RBFOX1: variants seen among roughly 807,000 people sequenced by gnomAD.
RBFOX1 encodes RNA binding protein fox-1 homolog 1.
In RBFOX1, 8 loss-of-function variants were observed where a neutral mutation model predicts 57.7. The ratio of observed to expected loss-of-function variants is 0.14; its 90% confidence interval spans 0.08 to 0.25. RBFOX1 has a LOEUF of 0.25. Among genes scored for constraint, RBFOX1 ranks in the 10% least tolerant of loss-of-function variants. The pLI is 1.00. For missense variants in RBFOX1, 611 were observed against 548.5 expected, an observed-to-expected ratio of 1.11 and a Z score of -1.14; for synonymous variants, 326 against 222.4, an observed-to-expected ratio of 1.47 and a Z score of -4.15.
At chr16:5,270,763 G>C in intron 1 of RBFOX1, 2 of 468,236 alleles carry the variant, frequency 4.3e-6, no homozygotes, top group South Asian at 3.5e-5. Context: ...AAAAGATGTA[G>C]AAAAGGCTTG....
At chr16:6,942,238 C>G (rs2078667052) in intron 3 of RBFOX1, among the ~76,000 whole-genome samples, 1 of 152,156 alleles carries the variant, frequency 6.6e-6, no homozygotes, top group Admixed American at 6.5e-5. Context: ...CAGGATCCCA[C>G]CACTGCACTT....
chr16:7,372,478 G>A (rs1277057029), intron 4 of RBFOX1, among the ~76,000 whole-genome samples: 3 of 152,122 alleles, frequency 2.0e-5, no homozygotes, highest in African/African-American at 2.4e-5. Context: ...GCTCATTGAA[G>A]CCTGTGGCCA....
chr16:5,284,309 C>G (rs578050015), intron 1 of RBFOX1, among the ~76,000 whole-genome samples: 9 of 151,952 alleles, frequency 5.9e-5, no homozygotes, highest in African/African-American at 2.2e-4. Context: ...TTCCTTTTTT[C>G]CCTCATTATT....
intron 1 of RBFOX1, among the ~76,000 whole-genome samples, chr16:6,240,537 C>T (rs557098163): frequency 6.5e-4 from 99 of 152,120 alleles, no homozygotes; most frequent in Non-Finnish European, 1.0e-3. Flanking sequence ...GCACAATTTT[C>T]AAACTCTTCA....
chr16:6,137,470 A>G (rs1391757489), intron 1 of RBFOX1, among the ~76,000 whole-genome samples: 2 of 151,912 alleles, frequency 1.3e-5, no homozygotes, highest in East Asian at 1.9e-4. Flanking sequence ...ACGCCTGGGT[A>G]ATTTTTTGTG....
At chr16:7,197,760 T>TACTG (rs1279443118) in intron 4 of RBFOX1, among the ~76,000 whole-genome samples, 2 of 151,946 alleles carry the variant, frequency 1.3e-5, no homozygotes, top group Non-Finnish European at 2.9e-5. Context: ...ATAAGTGGAG[T>TACTG]ACTGATACAT....
intron 4 of RBFOX1, among the ~76,000 whole-genome samples, chr16:5,876,243 C>T (rs929933600): frequency 6.6e-6 from 1 of 152,178 alleles, no homozygotes; most frequent in African/African-American, 2.4e-5. Flanking sequence ...TCTGTGCCAG[C>T]CAGGCCACTC....
intron 4 of RBFOX1, among the ~76,000 whole-genome samples, chr16:5,914,138 A>G (rs2058659520): frequency 6.6e-6 from 1 of 152,204 alleles, no homozygotes; most frequent in Non-Finnish European, 1.5e-5. Context: ...CCAGGAGGAA[A>G]GGACGTTTTG....
At chr16:7,332,660 GTCTCTCTCTCTGTCTC>G (rs1245655928) in intron 4 of RBFOX1, 20 of 627,088 alleles carry the variant, frequency 3.2e-5, no homozygotes, top group Middle Eastern at 6.5e-4. Flanking sequence ...TGGTCTCTTG[GTCTCTCTCTCTGTCTC>G]TCTCTCTCTC....
chr16:6,810,534 C>T (rs983705321), intron 3 of RBFOX1, among the ~76,000 whole-genome samples: 2 of 151,342 alleles, frequency 1.3e-5, no homozygotes, highest in African/African-American at 2.4e-5. Context: ...CCAAAAACCT[C>T]TTTTTTTTTC....
intron 1 of RBFOX1, among the ~76,000 whole-genome samples, chr16:6,285,952 C>G (rs988381448): frequency 3.3e-5 from 5 of 152,126 alleles, no homozygotes; most frequent in African/African-American, 4.8e-5. Flanking sequence ...AGTGGGATAA[C>G]ACACAGTCGG....
chr16:7,604,548 T>C (rs930252459), intron 9 of RBFOX1, among the ~76,000 whole-genome samples: 1 of 152,204 alleles, frequency 6.6e-6, no homozygotes, highest in Admixed American at 6.5e-5. Context: ...CTTGGCAAAC[T>C]CATAACTTGC....
intron 2 of RBFOX1, among the ~76,000 whole-genome samples, chr16:6,610,358 C>T (rs894976819): frequency 6.6e-6 from 1 of 152,070 alleles, no homozygotes; most frequent in Non-Finnish European, 1.5e-5. Flanking sequence ...GACAGAGTAT[C>T]CCACTATCAC....
At chr16:6,206,942 A>T (rs1295920640) in intron 1 of RBFOX1, among the ~76,000 whole-genome samples, 1 of 150,720 alleles carries the variant, frequency 6.6e-6, no homozygotes, top group East Asian at 1.9e-4. Context: ...CTTGTAATAC[A>T]CTTAATTCTT....
intron 3 of RBFOX1, among the ~76,000 whole-genome samples, chr16:6,942,577 G>C (rs1052684452): frequency 6.6e-6 from 1 of 152,112 alleles, no homozygotes; most frequent in Non-Finnish European, 1.5e-5. Flanking sequence ...AGTAGACTAA[G>C]GCAAGTGATT....
intron 5 of RBFOX1, among the ~76,000 whole-genome samples, chr16:7,534,295 G>T (rs2080953941): frequency 6.6e-6 from 1 of 151,366 alleles, no homozygotes; most frequent in Admixed American, 6.6e-5. Flanking sequence ...GTTTCACCAT[G>T]TTAGCCAGGC....
intron 2 of RBFOX1, among the ~76,000 whole-genome samples, chr16:6,342,741 G>A (rs1489113553): frequency 6.6e-6 from 1 of 152,080 alleles, no homozygotes; most frequent in Non-Finnish European, 1.5e-5. Flanking sequence ...TCTCTTCGGT[G>A]CGTATCTCCA....
chr16:5,384,441 C>A (rs184639295), intron 1 of RBFOX1, among the ~76,000 whole-genome samples: 2 of 152,264 alleles, frequency 1.3e-5, no homozygotes, highest in Admixed American at 1.3e-4. Context: ...CAGAAGTGTT[C>A]AGAGAGGCCT....
chr16:6,462,888 A>G (rs2094954086), intron 2 of RBFOX1, among the ~76,000 whole-genome samples: 1 of 152,232 alleles, frequency 6.6e-6, no homozygotes, highest in South Asian at 2.1e-4. Context: ...GGAATTATTT[A>G]GGTACAATAT....
Sources: gnomAD v4.1 joint callset for allele counts (sites outside exome capture counted in the v4.1 genomes callset) on GRCh38, gnomAD v4.1.1 for gene constraint, MANE v1.5 for transcripts, NCBI Gene and HGNC (gene_info 2026-07-23, HGNC 2026-07-21) for gene names.